HS6ST3: variants seen among roughly 807,000 people sequenced by gnomAD.
HS6ST3 encodes heparan sulfate 6-O-sulfotransferase 3.
Under a neutral mutation model 36.7 loss-of-function variants are expected in HS6ST3, and 12 were observed. The ratio of observed to expected loss-of-function variants is 0.33; its 90% CI spans 0.21 to 0.53. The LOEUF (loss-of-function observed/expected upper bound fraction) is 0.53, where lower values mean the gene tolerates loss of function less well. Ranked by LOEUF, HS6ST3 falls within the 20% of genes least tolerant of loss-of-function variation. The pLI, the probability that HS6ST3 is intolerant of heterozygous loss-of-function variation, is 0.95. For synonymous variants in HS6ST3, 240 were observed against 257.5 expected, an observed-to-expected ratio of 0.93 and a Z score of 0.65; for missense variants, 584 against 640.9, an observed-to-expected ratio of 0.91 and a Z score of 0.96.
chr13:96,563,700 G>T (rs1427287680), intron 1 of HS6ST3, among the ~76,000 whole-genome samples: 2 of 152,160 alleles, frequency 1.3e-5, no homozygotes, highest in Non-Finnish European at 2.9e-5. Context: ...CACTCTATAA[G>T]GTTAAGTGAC....
At chr13:96,773,914 C>G (rs529820186) in intron 1 of HS6ST3, among the ~76,000 whole-genome samples, 2 of 152,140 alleles carry the variant, frequency 1.3e-5, no homozygotes, top group Non-Finnish European at 2.9e-5. Context: ...TGACAGACAC[C>G]TCATACAGGA....
At chr13:96,545,915 G>A (rs553142688) in intron 1 of HS6ST3, among the ~76,000 whole-genome samples, 1 of 152,248 alleles carries the variant, frequency 6.6e-6, no homozygotes, top group African/African-American at 2.4e-5. Flanking sequence ...TGAACAGACA[G>A]GGCATGTCTG....
chr13:96,389,958 A>G (rs575892473), intron 1 of HS6ST3, among the ~76,000 whole-genome samples: 2 of 152,350 alleles, frequency 1.3e-5, no homozygotes, highest in South Asian at 2.1e-4. Flanking sequence ...GAGGTCACCA[A>G]AAACTTGAAA....
intron 1 of HS6ST3, among the ~76,000 whole-genome samples, chr13:96,823,705 C>T (rs538559211): frequency 1.6e-3 from 247 of 152,106 alleles, no homozygotes; most frequent in African/African-American, 5.8e-3. Flanking sequence ...CTGCAACCTC[C>T]GCCTCCCATG....
At chr13:96,435,625 C>A (rs1204277361) in intron 1 of HS6ST3, among the ~76,000 whole-genome samples, 1 of 152,206 alleles carries the variant, frequency 6.6e-6, no homozygotes, top group Admixed American at 6.5e-5. Context: ...TACTAGGAAG[C>A]CCTCGCATAT....
At chr13:96,272,361 G>C (rs11617040) in intron 1 of HS6ST3, among the ~76,000 whole-genome samples, 8,117 of 151,968 alleles carry the variant, frequency 0.053, 521 homozygotes, top group African/African-American at 0.14. Flanking sequence ...TATTCTGTGA[G>C]AGAAAATGCA....
intron 1 of HS6ST3, among the ~76,000 whole-genome samples, chr13:96,729,639 T>C (rs1033960250): frequency 1.1e-4 from 16 of 151,918 alleles, no homozygotes; most frequent in African/African-American, 2.9e-4. Flanking sequence ...TTTGTATTTT[T>C]TTTTTTTAGT....
intron 1 of HS6ST3, among the ~76,000 whole-genome samples, chr13:96,133,613 G>C (rs918718799): frequency 6.6e-6 from 1 of 151,650 alleles, no homozygotes; most frequent in Non-Finnish European, 1.5e-5. Flanking sequence ...AGTAGAATCG[G>C]GGTTTCGCCA....
intron 1 of HS6ST3, among the ~76,000 whole-genome samples, chr13:96,682,322 C>A (rs1384522505): frequency 6.6e-6 from 1 of 152,082 alleles, no homozygotes; most frequent in Non-Finnish European, 1.5e-5. Context: ...CATATATTTT[C>A]TTTTCTCTTT....
intron 1 of HS6ST3, among the ~76,000 whole-genome samples, chr13:96,265,986 C>G (rs2054690245): frequency 6.6e-6 from 1 of 152,076 alleles, no homozygotes; most frequent in South Asian, 2.1e-4. Context: ...AAGTAGAATT[C>G]TGGACTACTC....
chr13:96,166,002 G>A (rs2054158317), intron 1 of HS6ST3, among the ~76,000 whole-genome samples: 2 of 151,570 alleles, frequency 1.3e-5, no homozygotes, highest in Admixed American at 1.3e-4. Context: ...CTGAAACAAA[G>A]GATGGAAGGG....
intron 1 of HS6ST3, among the ~76,000 whole-genome samples, chr13:96,750,694 C>T (rs968549264): frequency 6.6e-6 from 1 of 152,106 alleles, no homozygotes; most frequent in Non-Finnish European, 1.5e-5. Flanking sequence ...AAACAATTAA[C>T]CATGTAGACA....
At chr13:96,275,977 G>A (rs751401107) in intron 1 of HS6ST3, among the ~76,000 whole-genome samples, 1 of 151,990 alleles carries the variant, frequency 6.6e-6, no homozygotes, top group Non-Finnish European at 1.5e-5. Context: ...TGGGTATGGG[G>A]CAGGAGTTAG....
chr13:96,337,553 T>C (rs1230731192), intron 1 of HS6ST3, among the ~76,000 whole-genome samples: 1 of 152,160 alleles, frequency 6.6e-6, no homozygotes, highest in Non-Finnish European at 1.5e-5. Flanking sequence ...CTTCTGACCC[T>C]TTGTTGTGAC....
At chr13:96,166,272 C>T (rs1202162389) in intron 1 of HS6ST3, among the ~76,000 whole-genome samples, 4 of 151,998 alleles carry the variant, frequency 2.6e-5, no homozygotes, top group African/African-American at 9.7e-5. Flanking sequence ...GAATCATTTG[C>T]TAATTGATCT....
chr13:96,574,898 G>A (rs1311795791), intron 1 of HS6ST3, among the ~76,000 whole-genome samples: 4 of 152,186 alleles, frequency 2.6e-5, no homozygotes, highest in African/African-American at 9.6e-5. Flanking sequence ...TCAAGTAGGT[G>A]TATTCCCCTG....
chr13:96,468,469 T>TACACACACAC (rs146508827), intron 1 of HS6ST3, among the ~76,000 whole-genome samples: 3 of 46,152 alleles, frequency 6.5e-5, no homozygotes, highest in Non-Finnish European at 1.8e-4. Flanking sequence ...TAACAGGACA[T>TACACACACAC]ACACACATAC....
At chr13:96,539,985 T>A (rs1286173424) in intron 1 of HS6ST3, among the ~76,000 whole-genome samples, 1 of 152,236 alleles carries the variant, frequency 6.6e-6, no homozygotes, top group Admixed American at 6.5e-5. Context: ...AGAGTCTTCC[T>A]GATGAGTGAC....
chr13:96,292,758 A>G (rs994800314), intron 1 of HS6ST3, among the ~76,000 whole-genome samples: 14 of 152,244 alleles, frequency 9.2e-5, no homozygotes, highest in African/African-American at 3.4e-4. Flanking sequence ...GATTATTAGA[A>G]TAACTTTAGT....
Sources: gnomAD v4.1 joint callset for allele counts (sites outside exome capture counted in the v4.1 genomes callset) on GRCh38, gnomAD v4.1.1 for gene constraint, MANE v1.5 for transcripts, NCBI Gene and HGNC (gene_info 2026-07-23, HGNC 2026-07-21) for gene names.